The following RBMS1 variants were observed in gnomAD, a reference collection of about 807,000 sequenced individuals.
The protein encoded by RBMS1 is RNA binding motif single stranded interacting protein 1.
In RBMS1, 17 loss-of-function variants were observed where a neutral mutation model predicts 62.3. The ratio of observed to expected loss-of-function variants is 0.27; its 90% CI spans 0.19 to 0.41. RBMS1 has a LOEUF of 0.41. RBMS1 is among the 10% of genes least tolerant of loss of function. RBMS1 has a pLI of 1.00. For synonymous variants in RBMS1, 172 were observed against 170.0 expected, an observed-to-expected ratio of 1.01 and a Z score of -0.09; for missense variants, 334 against 504.5, an observed-to-expected ratio of 0.66 and a Z score of 3.24.
chr2:160,403,209 A>G (rs1399652446), intron 1 of RBMS1, among the ~76,000 whole-genome samples: 2 of 152,200 alleles, frequency 1.3e-5, no homozygotes, highest in African/African-American at 4.8e-5. Flanking sequence ...CACAGAGATA[A>G]CATAACATAA....
At chr2:160,407,453 C>T (rs925074929) in intron 1 of RBMS1, 16 of 986,076 alleles carry the variant, frequency 1.6e-5, no homozygotes, top group Non-Finnish European at 1.8e-5. Flanking sequence ...GCATCCCGGC[C>T]GCCGCCTCAC....
intron 2 of RBMS1, among the ~76,000 whole-genome samples, chr2:160,364,754 AACTGGGCC>A (rs1693308136): frequency 1.3e-5 from 2 of 152,296 alleles, no homozygotes; most frequent in South Asian, 4.1e-4. Context: ...GTTTGTATGG[AACTGGGCC>A]ACCATGATAA....
intron 1 of RBMS1, among the ~76,000 whole-genome samples, chr2:160,367,687 C>T (rs906453647): frequency 6.6e-6 from 1 of 152,100 alleles, no homozygotes; most frequent in African/African-American, 2.4e-5. Context: ...AGACTCAAAA[C>T]GTGCATGAAG....
chr2:160,286,823 A>C, intron 7 of RBMS1, 146 bp downstream of exon 7: 2 of 1,473,004 alleles, frequency 1.4e-6, no homozygotes, highest in Non-Finnish European at 1.8e-6. Context: ...CACTTGAATT[A>C]TAATGTACCG....
chr2:160,312,379 GA>G (rs151248121), intron 4 of RBMS1, among the ~76,000 whole-genome samples: 11,524 of 148,514 alleles, frequency 0.078, 614 homozygotes, highest in South Asian at 0.19. Context: ...AAGTTTTCAA[GA>G]AAAAAAAAAT....
intron 1 of RBMS1, among the ~76,000 whole-genome samples, chr2:160,410,633 C>T (rs1444230219): frequency 1.3e-5 from 2 of 152,178 alleles, no homozygotes; most frequent in Non-Finnish European, 2.9e-5. Flanking sequence ...AAAAGTTCCT[C>T]GACCTTTGAA....
chr2:160,366,690 A>C (rs890045373), intron 2 of RBMS1, among the ~76,000 whole-genome samples: 5 of 152,238 alleles, frequency 3.3e-5, no homozygotes, highest in Non-Finnish European at 5.9e-5. Context: ...CTGAAAGGGC[A>C]GAATTGAGTT....
At chr2:160,463,432 TAATC>T (rs1398235813) in intron 1 of RBMS1, among the ~76,000 whole-genome samples, 1 of 152,214 alleles carries the variant, frequency 6.6e-6, no homozygotes, top group African/African-American at 2.4e-5. Context: ...ACCAGGATTG[TAATC>T]AGGAGGGTGA....
intron 2 of RBMS1, among the ~76,000 whole-genome samples, chr2:160,324,882 G>GTATATATATATATATATATATATATATA (rs201492090): frequency 8.0e-5 from 8 of 100,012 alleles, no homozygotes; most frequent in African/African-American, 2.1e-4. Context: ...GTGTGTGTGT[G>GTATATATATATATATATATATATATATA]TATATATATA....
At chr2:160,431,596 C>G (rs1356349828) in intron 1 of RBMS1, among the ~76,000 whole-genome samples, 1 of 151,826 alleles carries the variant, frequency 6.6e-6, no homozygotes, top group East Asian at 1.9e-4. Context: ...CCACATATCT[C>G]TGCAAGACTT....
chr2:160,466,758 C>T (rs1423309391), intron 1 of RBMS1, among the ~76,000 whole-genome samples: 1 of 152,088 alleles, frequency 6.6e-6, no homozygotes, highest in Non-Finnish European at 1.5e-5. Context: ...AAACAAAAAG[C>T]TAAGTGAAGC....
chr2:160,282,170 T>C, intron 9 of RBMS1: 5 of 1,193,398 alleles, frequency 4.2e-6, no homozygotes, highest in Non-Finnish European at 4.6e-6. Context: ...AAAACCCTCC[T>C]GCATTTTATC....
chr2:160,297,675 C>T (rs1251403208), intron 6 of RBMS1, among the ~76,000 whole-genome samples: 1 of 152,140 alleles, frequency 6.6e-6, no homozygotes, highest in Non-Finnish European at 1.5e-5. Context: ...AGAAGGCAAG[C>T]CCTGAACACA....
At chr2:160,444,022 T>G (rs1559557450) in intron 1 of RBMS1, among the ~76,000 whole-genome samples, 1 of 152,128 alleles carries the variant, frequency 6.6e-6, no homozygotes, top group Non-Finnish European at 1.5e-5. Context: ...GACCCCAAAC[T>G]CTCTTTAGGA....
intron 1 of RBMS1, among the ~76,000 whole-genome samples, chr2:160,445,125 C>T (rs1353502957): frequency 1.3e-5 from 2 of 152,130 alleles, no homozygotes; most frequent in African/African-American, 4.8e-5. Context: ...CATACTAGTA[C>T]ACTTGCCCCC....
chr2:160,479,097 G>A (rs1420507470), intron 1 of RBMS1, among the ~76,000 whole-genome samples: 1 of 152,218 alleles, frequency 6.6e-6, no homozygotes, highest in Non-Finnish European at 1.5e-5. Flanking sequence ...GTGATGGCAG[G>A]ATAGAGAAAC....
chr2:160,314,604 TATA>T (rs1172861702), intron 3 of RBMS1, among the ~76,000 whole-genome samples: 1 of 152,116 alleles, frequency 6.6e-6, no homozygotes, highest in African/African-American at 2.4e-5. Context: ...CGAAATAAGT[TATA>T]ATGAGATGGA....
intron 2 of RBMS1, among the ~76,000 whole-genome samples, chr2:160,358,386 A>G (rs968268762): frequency 1.3e-5 from 2 of 152,136 alleles, no homozygotes; most frequent in African/African-American, 2.4e-5. Flanking sequence ...TATAGATCAC[A>G]CTTTTCAGCA....
chr2:160,403,088 A>G, intron 1 of RBMS1, among the ~76,000 whole-genome samples: 1 of 152,254 alleles, frequency 6.6e-6, no homozygotes, highest in South Asian at 2.1e-4. Flanking sequence ...AACGGTCCCT[A>G]GTAGAAAAAG....
Sources: allele counts gnomAD v4.1 joint callset (sites outside exome capture counted in the v4.1 genomes callset), GRCh38; gene constraint gnomAD v4.1.1; transcripts MANE v1.5; gene names NCBI Gene and HGNC (gene_info 2026-07-23, HGNC 2026-07-21).